Variants in PTER observed in about 807,000 individuals in gnomAD.
PTER encodes the protein N-acetyltaurine hydrolase.
A neutral mutation model predicts 29.6 loss-of-function variants in PTER; 38 were observed. The ratio of observed to expected loss-of-function variants is 1.28; its 90% CI spans 0.99 to 1.68. The LOEUF is 1.68. PTER is among the 40% of genes most tolerant of loss of function. The pLI is 0.00. For missense variants in PTER, 482 were observed against 427.8 expected (o/e 1.13, Z -1.12); for synonymous variants, 172 against 154.5 (o/e 1.11, Z -0.84).
At chr10:16,501,209 G>A (rs1195332108) in intron 3 of PTER, among the ~76,000 whole-genome samples, 1 of 152,062 alleles carries the variant, frequency 6.6e-6, no homozygotes, top group Non-Finnish European at 1.5e-5. Flanking sequence ...GGGATTACAG[G>A]TGTGAGCCCC....
intron 3 of PTER, among the ~76,000 whole-genome samples, chr10:16,502,343 G>T (rs1836382820): frequency 6.6e-6 from 1 of 151,950 alleles, no homozygotes; most frequent in Non-Finnish European, 1.5e-5. Context: ...GTTCTTTGGG[G>T]AAAACAGAAT....
At chr10:16,486,114 A>C (rs530510355) in intron 2 of PTER, among the ~76,000 whole-genome samples, 1 of 152,248 alleles carries the variant, frequency 6.6e-6, no homozygotes, top group African/African-American at 2.4e-5. Context: ...TAAAGCTATA[A>C]ATTTCTTGTT....
chr10:16,494,857 G>C (rs1408032794), intron 3 of PTER, among the ~76,000 whole-genome samples: 2 of 152,042 alleles, frequency 1.3e-5, no homozygotes, highest in African/African-American at 4.8e-5. Flanking sequence ...AGTTGCAGTG[G>C]AGCTGTCATT....
rs563962806 is a variant in PTER at position 16,467,110 on chromosome 10, G to T, written c.-48-17227G>T. Among the ~76,000 whole-genome samples the T allele has an allele frequency of 2.0e-5, 3 of 152,170 alleles. No homozygotes were observed. In the East Asian group the frequency reaches 5.8e-4, roughly 29 times the overall value. The stretch of plus-strand genomic sequence containing the variant: ...TTACACTACTGTCCCCTTATCCATG[G>T]TTTTGCTTTTTGTGGTTTCAGTTAC... On this transcript the variant is annotated intron_variant, in intron 1 of 4. Transcript: ENST00000535784.
intron 3 of PTER, among the ~76,000 whole-genome samples, chr10:16,487,031 T>C (rs1293744385): frequency 6.6e-6 from 1 of 152,218 alleles, no homozygotes; most frequent in Non-Finnish European, 1.5e-5. Flanking sequence ...GGAATGTCAA[T>C]GGTTTCACCC....
At chr10:16,505,184 A>G in intron 4 of PTER, 24 bp downstream of exon 4, 1 of 1,612,048 alleles carries the variant, frequency 6.2e-7, no homozygotes, top group Non-Finnish European at 8.5e-7. Context: ...AGCCTCTCAT[A>G]GCATTCCCTT....
At chr10:16,514,804 A>G, downstream of PTER, 1 of 879,622 alleles carries the variant, frequency 1.1e-6, no homozygotes, top group Non-Finnish European at 1.7e-6. Flanking sequence ...TTGCTGCCAT[A>G]GTACAGAATT....
chr10:16,447,204 G>C (rs552565674), intron 1 of PTER, among the ~76,000 whole-genome samples: 3 of 148,962 alleles, frequency 2.0e-5, no homozygotes, highest in African/African-American at 7.4e-5. Flanking sequence ...GGGCTCAAGC[G>C]ATCCTCCCAC....
chr10:16,505,099 C>T lies in PTER; in HGVS notation c.778C>T (p.Leu260=). The T allele has an allele frequency of 6.2e-7, 1 of 1,613,696 alleles. No homozygotes were observed. Among genetic ancestry groups the T allele is most frequent in the East Asian group, 2.2e-5 (1 of 44,868 alleles). ...GGAATATGATCTCTTTGGTACTGAA[C>T]TACTTCATTACCAACTCGGCCCAGA... ...YLEYDLFGTE[L]LHYQLGPDID... Residue 260 remains leucine, a synonymous_variant, in exon 4 of 5, where the codon CTA becomes TTA. Transcript: ENST00000535784.
At chr10:16,440,697 G>C (rs1833818914) in intron 1 of PTER, among the ~76,000 whole-genome samples, 1 of 152,218 alleles carries the variant, frequency 6.6e-6, no homozygotes, top group African/African-American at 2.4e-5. Flanking sequence ...CTTTCCCTCT[G>C]CCGCAGTGAC....
At position 16,486,427 on chromosome 10, in the gene PTER, A is replaced by G; in HGVS notation, c.508A>G (p.Ile170Val). 1 of 1,614,052 alleles carries G rather than the reference A, an allele frequency of 6.2e-7. No individual in the cohort carries two copies. The highest frequency in any genetic ancestry group is 8.5e-7 in the Non-Finnish European group (1 of 1,179,964). The change falls in exon 3 of 5, where the codon ATT becomes GTT. Residue 170 changes from isoleucine to valine, a missense_variant. By Grantham distance (29) the Ile-to-Val change is conservative (BLOSUM62 3). Transcript: ENST00000535784. ...TSIKCGIIGE[I>V]GCSWPLTESE... ...TATCAAGTGTGGCATTATTGGAGAA[A>G]TTGGTTGCTCCTGGCCTTTGACTGA...
chr10:16,456,945 C>T (rs948081279), intron 1 of PTER, among the ~76,000 whole-genome samples: 19 of 151,988 alleles, frequency 1.3e-4, no homozygotes, highest in Admixed American at 1.2e-3. Flanking sequence ...TTTCCACTTT[C>T]ACTTGGCTCT....
At chr10:16,459,070 C>G (rs1250442437) in intron 1 of PTER, among the ~76,000 whole-genome samples, 1 of 152,142 alleles carries the variant, frequency 6.6e-6, no homozygotes, top group Non-Finnish European at 1.5e-5. Context: ...CCTATATTAG[C>G]ATCTCTGGGT....
intron 1 of PTER, among the ~76,000 whole-genome samples, chr10:16,478,335 GTT>G (rs34168657): frequency 2.1e-5 from 3 of 140,236 alleles, no homozygotes; most frequent in Non-Finnish European, 1.5e-5. Flanking sequence ...CCTCGTTTCC[GTT>G]TTTTTTTTTT....
intron 1 of PTER, among the ~76,000 whole-genome samples, chr10:16,439,402 T>C (rs1833770217): frequency 1.3e-5 from 2 of 152,168 alleles, no homozygotes; most frequent in African/African-American, 4.8e-5. Context: ...TTGAGCCAAA[T>C]AGAAGCAGAG....
intron 1 of PTER, among the ~76,000 whole-genome samples, chr10:16,450,088 C>G (rs578003240): frequency 2.6e-5 from 4 of 152,286 alleles, no homozygotes; most frequent in African/African-American, 9.6e-5. Context: ...CATTCCCATG[C>G]CTGTTCTCCA....
Position 16,500,324 on chromosome 10 carries a change from G to T in PTER, c.699-4696G>T, listed in dbSNP as rs765353888. Among the ~76,000 whole-genome samples the T allele has an allele frequency of 5.3e-5, 8 of 151,632 alleles. No homozygotes were observed. In the East Asian group the frequency reaches 9.7e-4, roughly 18 times the overall value. On this transcript the variant is annotated intron_variant, in intron 3 of 4. Transcript: ENST00000535784. ...GAGTGCAGCAGTGCGACCATAGCTCGCTGCAGCCTCAAACTCTTGGGCTCA... is the reference window on the plus strand; with the variant it reads ...GAGTGCAGCAGTGCGACCATAGCTCTCTGCAGCCTCAAACTCTTGGGCTCA...
chr10:16,499,874 A>G (rs1488641550), intron 3 of PTER, among the ~76,000 whole-genome samples: 5 of 152,072 alleles, frequency 3.3e-5, no homozygotes, highest in East Asian at 1.9e-4. Context: ...TTTTTATGAC[A>G]GCAAATTTCT....
chr10:16,478,177 T>C (rs574550927), intron 1 of PTER, among the ~76,000 whole-genome samples: 11 of 152,194 alleles, frequency 7.2e-5, no homozygotes, highest in Admixed American at 1.3e-4. Context: ...GTTTTTCAAA[T>C]TAAGTAAAAT....
Sources: gnomAD v4.1 joint callset for allele counts (sites outside exome capture counted in the v4.1 genomes callset) on GRCh38, gnomAD v4.1.1 for gene constraint, MANE v1.5 for transcripts, NCBI Gene and HGNC (gene_info 2026-07-23, HGNC 2026-07-21) for gene names.